Variants in SNX29 observed in about 807,000 individuals in gnomAD.
SNX29 encodes sorting nexin 29, also known as sorting nexin-29.
A neutral mutation model predicts 102.1 loss-of-function variants in SNX29; 78 were observed. The ratio of observed to expected loss-of-function variants is 0.76; its 90% confidence interval spans 0.64 to 0.92. The LOEUF (loss-of-function observed/expected upper bound fraction) is 0.92. Ranked by LOEUF, SNX29 falls within the 40% of genes least tolerant of loss-of-function variation. The pLI, the probability that SNX29 is intolerant of heterozygous loss-of-function variation, is 0.00. For synonymous variants in SNX29, 580 were observed against 414.5 expected (o/e 1.40, Z -4.85); for missense variants, 1,280 against 1,061.7 (o/e 1.21, Z -2.86).
intron 14 of SNX29, among the ~76,000 whole-genome samples, chr16:12,250,466 C>T (rs1260326582): frequency 6.6e-6 from 1 of 152,132 alleles, no homozygotes; most frequent in Non-Finnish European, 1.5e-5. Context: ...TGTTAGCTGA[C>T]CAGAAGCACA....
At chr16:12,494,281 G>C (rs1027005603) in intron 19 of SNX29, among the ~76,000 whole-genome samples, 2 of 152,140 alleles carry the variant, frequency 1.3e-5, no homozygotes, top group Non-Finnish European at 2.9e-5. Flanking sequence ...TGTGCCTCCT[G>C]CGTGCCTGGC....
At chr16:12,263,347 C>CA (rs2078836213) in intron 14 of SNX29, among the ~76,000 whole-genome samples, 1 of 152,142 alleles carries the variant, frequency 6.6e-6, no homozygotes, top group African/African-American at 2.4e-5. Flanking sequence ...AGGCTAGTCT[C>CA]AAACTCCTGA....
At chr16:12,141,144 G>A (rs879903867) in intron 13 of SNX29, among the ~76,000 whole-genome samples, 1 of 152,230 alleles carries the variant, frequency 6.6e-6, no homozygotes, top group African/African-American at 2.4e-5. Context: ...AAAAAGAGCA[G>A]AGAGTGGGTG....
At chr16:12,296,330 G>T (rs2079980575) in intron 15 of SNX29, among the ~76,000 whole-genome samples, 1 of 152,206 alleles carries the variant, frequency 6.6e-6, no homozygotes, top group Non-Finnish European at 1.5e-5. Context: ...TCAGCAAGTA[G>T]AATGCTCTGC....
chr16:12,414,542 G>C (rs1378806277), intron 18 of SNX29, among the ~76,000 whole-genome samples: 5 of 152,164 alleles, frequency 3.3e-5, no homozygotes, highest in Admixed American at 1.3e-4. Context: ...CTAAGCTACT[G>C]ATCTGTGATT....
intron 13 of SNX29, among the ~76,000 whole-genome samples, chr16:12,148,760 C>A (rs1288388144): frequency 6.6e-6 from 1 of 152,072 alleles, no homozygotes; most frequent in Non-Finnish European, 1.5e-5. Flanking sequence ...TACAATGGCA[C>A]GATCTTGGCT....
chr16:12,379,896 T>G (rs1331867948), intron 16 of SNX29, among the ~76,000 whole-genome samples: 1 of 152,112 alleles, frequency 6.6e-6, no homozygotes, highest in Non-Finnish European at 1.5e-5. Context: ...TGTGTGTGTT[T>G]GGGGGCATGT....
intron 20 of SNX29, among the ~76,000 whole-genome samples, chr16:12,557,022 C>G (rs980373117): frequency 1.2e-4 from 6 of 48,610 alleles, no homozygotes; most frequent in Non-Finnish European, 2.2e-4. Flanking sequence ...TTTACCCCCC[C>G]CCCGCCCCAA....
At chr16:12,500,845 T>C (rs898538237) in intron 19 of SNX29, among the ~76,000 whole-genome samples, 8 of 152,220 alleles carry the variant, frequency 5.3e-5, no homozygotes, top group Non-Finnish European at 1.2e-4. Flanking sequence ...TGCTATCAGA[T>C]TGGACCCTTC....
At chr16:12,248,969 T>G (rs892463051) in intron 14 of SNX29, among the ~76,000 whole-genome samples, 2 of 152,172 alleles carry the variant, frequency 1.3e-5, no homozygotes, top group African/African-American at 4.8e-5. Context: ...CTTGCATGAG[T>G]ACCTGGGAAG....
chr16:12,099,634 C>G (rs943043876), intron 11 of SNX29, among the ~76,000 whole-genome samples: 3 of 152,160 alleles, frequency 2.0e-5, no homozygotes, highest in Admixed American at 6.5e-5. Context: ...AGAAGGAAGC[C>G]CAGTTCTGAC....
chr16:12,483,125 T>TTTTTTTG (rs2088040859), intron 19 of SNX29, among the ~76,000 whole-genome samples: 1 of 127,988 alleles, frequency 7.8e-6, no homozygotes, highest in African/African-American at 3.1e-5. Context: ...TTTTTTTTTT[T>TTTTTTTG]TTTTTTTTTT....
At chr16:12,062,537 G>C (rs895772016) in intron 9 of SNX29, among the ~76,000 whole-genome samples, 1 of 152,130 alleles carries the variant, frequency 6.6e-6, no homozygotes. Context: ...GTTGATCCCA[G>C]CTGGCCTGTG....
chr16:12,079,020 A>C lies in SNX29; in HGVS notation c.1402+105A>C, dbSNP rs868068707. The C allele has an allele frequency of 2.0e-4, 188 of 960,896 alleles. 2 individuals are homozygous for C. Among genetic ancestry groups the C allele is most frequent in the South Asian group, 1.9e-3 (115 of 60,238 alleles). 59.5% of individuals were successfully genotyped at this position (960,896 alleles called of 1,614,324 possible). On this transcript the variant is annotated intron_variant, in intron 11 of 20. Transcript: ENST00000566228. ...AACCCTGTGACTGTGGGTTCACGTC[A>C]GGTGTGTACGTCCCTGGTTGTAGAC...
intron 14 of SNX29, among the ~76,000 whole-genome samples, chr16:12,212,193 C>T (rs1405665805): frequency 6.6e-6 from 1 of 152,130 alleles, no homozygotes; most frequent in African/African-American, 2.4e-5. Context: ...TGTACTTTGT[C>T]CTGAGAAAAA....
intron 8 of SNX29, among the ~76,000 whole-genome samples, chr16:12,058,699 G>A (rs2050629557): frequency 6.6e-6 from 1 of 151,068 alleles, no homozygotes; most frequent in Non-Finnish European, 1.5e-5. Flanking sequence ...TCACCATGTT[G>A]GCCAGGCTGG....
chr16:12,069,893 T>G (rs2051214337), intron 10 of SNX29, among the ~76,000 whole-genome samples: 1 of 151,916 alleles, frequency 6.6e-6, no homozygotes, highest in African/African-American at 2.4e-5. Flanking sequence ...GGTTTCACCG[T>G]GGTCTCGATC....
chr16:12,500,619 C>T (rs2089071313), intron 19 of SNX29, among the ~76,000 whole-genome samples: 2 of 152,208 alleles, frequency 1.3e-5, no homozygotes, highest in African/African-American at 4.8e-5. Context: ...AATGATTCTA[C>T]AATTTTATCA....
intron 18 of SNX29, among the ~76,000 whole-genome samples, chr16:12,421,715 C>T (rs1048969546): frequency 6.6e-6 from 1 of 152,060 alleles, no homozygotes; most frequent in Non-Finnish European, 1.5e-5. Context: ...ATTAGTTCCC[C>T]TCCTCCTTCC....
Sources: gnomAD v4.1 joint callset for allele counts (sites outside exome capture counted in the v4.1 genomes callset) on GRCh38, gnomAD v4.1.1 for gene constraint, MANE v1.5 for transcripts, NCBI Gene and HGNC (gene_info 2026-07-23, HGNC 2026-07-21) for gene names.